Variants in PTPRK observed in about 807,000 individuals in gnomAD.
PTPRK encodes the protein receptor-type tyrosine-protein phosphatase kappa.
A neutral mutation model predicts 178.0 loss-of-function variants in PTPRK; 75 were observed. That is an observed-to-expected ratio of 0.42 (90% confidence interval 0.35 to 0.51). The LOEUF is 0.51. PTPRK is among the 20% of genes least tolerant of loss of function. The probability of loss-of-function intolerance (pLI) is 0.02; values close to 1 mark genes in which losing one functional copy is unlikely to be tolerated. For missense variants in PTPRK, 1,441 were observed against 1,797.8 expected, an observed-to-expected ratio of 0.80 and a Z score of 3.59; for synonymous variants, 637 against 620.6, an observed-to-expected ratio of 1.03 and a Z score of -0.39.
chr6:128,124,727 C>T lies in PTPRK; in HGVS notation c.1163-34735G>A, dbSNP rs182563943. 5.9e-5 allele frequency among the ~76,000 whole-genome samples: 9 copies of T among 152,222 alleles called. No homozygotes were observed. In the East Asian group the frequency reaches 1.7e-3, roughly 29 times the overall value. ...AATATATGCTTAATCATTTTGCCCT[C>T]CATAATGTGGGTAGGCCTTATCCAA... On this transcript the variant is annotated intron_variant, in intron 7 of 29. Coordinates refer to ENST00000368226, the MANE Select transcript of PTPRK (RefSeq NM_002844.4).
At chr6:128,186,955 A>G (rs1802867461) in intron 6 of PTPRK, among the ~76,000 whole-genome samples, 1 of 152,158 alleles carries the variant, frequency 6.6e-6, no homozygotes, top group Admixed American at 6.5e-5. Context: ...TTCATTCCAG[A>G]TGGCTCATAT....
chr6:128,263,924 G>A (rs1818559864), intron 3 of PTPRK, among the ~76,000 whole-genome samples: 1 of 152,184 alleles, frequency 6.6e-6, no homozygotes, highest in Non-Finnish European at 1.5e-5. Context: ...GGAAAGGCCA[G>A]AGTAGTGAAC....
At chr6:128,385,381 G>A (rs1053789046) in intron 2 of PTPRK, among the ~76,000 whole-genome samples, 1 of 151,988 alleles carries the variant, frequency 6.6e-6, no homozygotes, top group Non-Finnish European at 1.5e-5. Context: ...TTTTTAATTA[G>A]CTCAACACCA....
intron 3 of PTPRK, among the ~76,000 whole-genome samples, chr6:128,285,182 C>T (rs113814649): frequency 1.3e-5 from 2 of 152,292 alleles, no homozygotes; most frequent in African/African-American, 4.8e-5. Context: ...TCTCAGGCCA[C>T]GCTGGTCATG....
At chr6:128,173,453 T>C (rs944493135) in intron 7 of PTPRK, among the ~76,000 whole-genome samples, 2 of 151,996 alleles carry the variant, frequency 1.3e-5, no homozygotes, top group East Asian at 3.9e-4. Flanking sequence ...AAGGAAATTA[T>C]AGTATACTCA....
At chr6:128,489,514 T>G (rs1389649620) in intron 1 of PTPRK, among the ~76,000 whole-genome samples, 1 of 152,180 alleles carries the variant, frequency 6.6e-6, no homozygotes, top group Non-Finnish European at 1.5e-5. Flanking sequence ...AGTAACATGG[T>G]TTCAGAAATT....
intron 1 of PTPRK, among the ~76,000 whole-genome samples, chr6:128,443,445 G>A (rs1193185961): frequency 6.6e-6 from 1 of 151,986 alleles, no homozygotes; most frequent in African/African-American, 2.4e-5. Context: ...GGAACAAAGT[G>A]GGAAAAGAAA....
chr6:128,012,681 A>T (rs1562434373), intron 13 of PTPRK, among the ~76,000 whole-genome samples: 1 of 151,332 alleles, frequency 6.6e-6, no homozygotes, highest in Non-Finnish European at 1.5e-5. Flanking sequence ...AAGTGACTTG[A>T]TCAATTGTGT....
intron 17 of PTPRK, 126 bp from the exon 18 acceptor site, chr6:127,995,664 C>T (rs572925158): frequency 1.8e-6 from 1 of 563,822 alleles, no homozygotes; most frequent in Non-Finnish European, 3.1e-6. Context: ...ACTACCAAAT[C>T]AGTCCTTTGA....
intron 1 of PTPRK, among the ~76,000 whole-genome samples, chr6:128,469,328 C>T (rs1398646022): frequency 6.6e-6 from 1 of 152,170 alleles, no homozygotes; most frequent in East Asian, 1.9e-4. Context: ...TTGATGCACT[C>T]GGCTTCCAAT....
intron 13 of PTPRK, among the ~76,000 whole-genome samples, chr6:128,017,741 T>C (rs1019785896): frequency 2.3e-5 from 2 of 86,892 alleles, no homozygotes; most frequent in Non-Finnish European, 4.4e-5. Flanking sequence ...ATATATATAA[T>C]ATATAAATAA....
intron 2 of PTPRK, among the ~76,000 whole-genome samples, chr6:128,378,791 T>C (rs554441873): frequency 6.6e-6 from 1 of 152,206 alleles, no homozygotes; most frequent in East Asian, 1.9e-4. Flanking sequence ...ACTTCCTGCT[T>C]TCATCTATTT....
At chr6:128,497,838 C>T (rs1450436137) in intron 1 of PTPRK, among the ~76,000 whole-genome samples, 3 of 151,018 alleles carry the variant, frequency 2.0e-5, no homozygotes, top group Non-Finnish European at 4.4e-5. Flanking sequence ...ATCTCATTAA[C>T]TGGAGGTGGG....
intron 6 of PTPRK, among the ~76,000 whole-genome samples, chr6:128,193,974 A>T (rs1804366449): frequency 6.6e-6 from 1 of 151,548 alleles, no homozygotes; most frequent in Non-Finnish European, 1.5e-5. Flanking sequence ...ACTAAAAAGT[A>T]GCGTCTCATT....
chr6:128,030,427 G>A (rs549617951), intron 13 of PTPRK, among the ~76,000 whole-genome samples: 9 of 152,160 alleles, frequency 5.9e-5, no homozygotes, highest in Non-Finnish European at 1.2e-4. Context: ...AACCAGCAGT[G>A]TTTCTAGCTC....
At chr6:128,178,108 G>C (rs1013298210) in intron 7 of PTPRK, among the ~76,000 whole-genome samples, 2 of 151,794 alleles carry the variant, frequency 1.3e-5, no homozygotes, top group African/African-American at 4.8e-5. Flanking sequence ...TTCAACGGAA[G>C]CATTAAACCA....
At chr6:128,464,907 C>T (rs1406046517) in intron 1 of PTPRK, among the ~76,000 whole-genome samples, 3 of 150,376 alleles carry the variant, frequency 2.0e-5, no homozygotes, top group Non-Finnish European at 4.4e-5. Flanking sequence ...ACAGAGGTCA[C>T]AAAGGCTATG....
chr6:128,368,726 A>T (rs1835859981), intron 2 of PTPRK, among the ~76,000 whole-genome samples: 1 of 152,140 alleles, frequency 6.6e-6, no homozygotes, highest in East Asian at 1.9e-4. Context: ...TCACCAAGCA[A>T]GTACTGCTAC....
At chr6:128,491,920 T>C (rs1239270399) in intron 1 of PTPRK, 1 of 452,800 alleles carries the variant, frequency 2.2e-6, no homozygotes, top group East Asian at 6.9e-5. Flanking sequence ...GCAATGAAAC[T>C]TCCCCTGGGA....
Sources: gnomAD v4.1 joint callset for allele counts (sites outside exome capture counted in the v4.1 genomes callset) on GRCh38, gnomAD v4.1.1 for gene constraint, MANE v1.5 for transcripts, NCBI Gene and HGNC (gene_info 2026-07-23, HGNC 2026-07-21) for gene names.